SHPK: variants seen among roughly 807,000 people sequenced by gnomAD.
The protein encoded by SHPK is sedoheptulokinase.
SHPK carries 51 observed loss-of-function variants against 46.3 expected under a neutral mutation model. The observed-to-expected ratio is 1.10, with a 90% CI of 0.88 to 1.39. The LOEUF is 1.39. Ranked by LOEUF, SHPK falls within the 40% of genes most tolerant of loss-of-function variation. SHPK has a pLI of 0.00. For synonymous variants in SHPK, 290 were observed against 273.9 expected (o/e 1.06, Z -0.58); for missense variants, 668 against 641.3 (o/e 1.04, Z -0.45).
chr17:3,621,086 G>A (rs1392974855), intron 5 of SHPK, 151 bp downstream of exon 5: 1 of 691,752 alleles, frequency 1.4e-6, no homozygotes, highest in African/African-American at 1.8e-5. Flanking sequence ...TACCTGCAAG[G>A]ACAAGGGTGC....
chr17:3,623,268 T>G, intron 4 of SHPK, 71 bp downstream of exon 4: 1 of 1,563,418 alleles, frequency 6.4e-7, no homozygotes, highest in South Asian at 1.1e-5. Flanking sequence ...AAGCACCCAC[T>G]GAAGCACTGG....
intron 1 of SHPK, among the ~76,000 whole-genome samples, chr17:3,634,464 C>T (rs1014092912): frequency 2.0e-5 from 3 of 149,348 alleles, no homozygotes; most frequent in African/African-American, 5.0e-5. Flanking sequence ...CCCAGCTACT[C>T]GGGAAACTGA....
intron 2 of SHPK, among the ~76,000 whole-genome samples, chr17:3,628,514 G>A (rs1056946950): frequency 2.6e-5 from 4 of 152,044 alleles, no homozygotes; most frequent in Admixed American, 2.6e-4. Context: ...GTAGAGATGG[G>A]GTTTCACCAT....
intron 1 of SHPK, among the ~76,000 whole-genome samples, chr17:3,635,686 G>A (rs1489474489): frequency 2.0e-5 from 3 of 152,204 alleles, no homozygotes; most frequent in Non-Finnish European, 2.9e-5. Flanking sequence ...GCAGGTGTGA[G>A]GAGCGGAGAG....
rs2075399598 is a variant in SHPK, at chr17:3,621,344, C to T, written c.716G>A (p.Arg239Lys). 1 of 1,614,138 alleles carries T rather than the reference C, an allele frequency of 6.2e-7. No individual in the cohort carries two copies. The highest frequency in any genetic ancestry group is 8.5e-7 in the Non-Finnish European group (1 of 1,180,012). ...DIAEPGSVAG[R>K]TSHMWFEIPK... is the part of the protein sequence containing the mutation. ...GATTTCAAACCACATGTGGGAAGTT[C>T]TGCCCGCCACACTGCCAGGCTCGGC... is the stretch of plus-strand genomic sequence containing the variant. Residue 239 changes from arginine (R) to lysine (K), a missense_variant, in exon 5 of 7, where the codon AGA becomes AAA. Coordinates refer to ENST00000225519, the MANE Select transcript of SHPK (RefSeq NM_013276.4).
At chr17:3,617,197 G>A (rs1390078650) in intron 5 of SHPK, among the ~76,000 whole-genome samples, 1 of 152,134 alleles carries the variant, frequency 6.6e-6, no homozygotes, top group Non-Finnish European at 1.5e-5. Flanking sequence ...CAGATCTGGT[G>A]TCGTAAGTGG....
chr17:3,615,917 C>T (rs1480432948), intron 5 of SHPK, among the ~76,000 whole-genome samples: 2 of 144,682 alleles, frequency 1.4e-5, no homozygotes, highest in African/African-American at 2.6e-5. Context: ...TGCAATGGTG[C>T]GATCTTGGCT....
chr17:3,615,899 G>A (rs1315020024), intron 5 of SHPK, among the ~76,000 whole-genome samples: 1 of 148,848 alleles, frequency 6.7e-6, no homozygotes, highest in Non-Finnish European at 1.5e-5. Context: ...CTGTCACCCA[G>A]GCTGGAGTGC....
Position 3,621,103 on chromosome 17 carries a change from T to C in SHPK, c.823+134A>G, listed in dbSNP as rs1276911295. 6 of 781,964 alleles carry C rather than the reference T, an allele frequency of 7.7e-6. No individual in the cohort carries two copies. The East Asian group carries it at 1.2e-4, about 15-fold the overall frequency. The allele number at this position is 781,964 out of a possible 1,614,324, so 48.4% of individuals were successfully genotyped here. On this transcript the variant is annotated intron_variant, in intron 5 of 6. Coordinates refer to ENST00000225519, the MANE Select transcript of SHPK (RefSeq NM_013276.4). ...CCTGCAAGGACAAGGGTGCTTTTCA[T>C]CTTTACAGAATAATGATCTCCAGCA...
rs375707824 is a variant in SHPK at position 3,634,347 on chromosome 17, A to G, written c.168+1705T>C. On this transcript the variant is annotated intron_variant, in intron 1 of 6. Transcript: ENST00000225519. ...CACTTTGGGAAACCGAGGCAGGCAG[A>G]TCAGTTGAGGTCAGGAGTTTGAGAC... Among the ~76,000 whole-genome samples, 48 of 152,076 alleles carry G rather than the reference A, an allele frequency of 3.2e-4. 1 individual carries two copies. Among genetic ancestry groups the G allele is most frequent in the African/African-American group, 1.1e-3 (46 of 41,508 alleles).
At position 3,610,790 on chromosome 17, in the gene SHPK, A is replaced by G; in HGVS notation, c.1207T>C (p.Cys403Arg). 6 of 1,614,130 alleles carry G rather than the reference A, an allele frequency of 3.7e-6. No homozygotes were observed. The highest frequency in any genetic ancestry group is 5.1e-6 in the Non-Finnish European group (6 of 1,180,018). Residue 403 changes from cysteine to arginine, a missense_variant, in exon 7 of 7, where the codon TGC becomes CGC. Transcript: ENST00000225519. The stretch of plus-strand genomic sequence containing the variant: ...TGCAGGTTCTGAACAATGCCTCGGC[A>G]CAGAGCCCGGGTCACGTGCCCCAGG... ...LSLGHVTRAL[C>R]RGIVQNLHSM...
chr17:3,609,335 G>A lies in SHPK; in HGVS notation c.*1225C>T, dbSNP rs2075322097. 3 of 152,142 alleles carry A rather than the reference G, an allele frequency of 2.0e-5. No individual in the cohort carries two copies. In the South Asian group the frequency reaches 6.2e-4, roughly 31 times the overall value. 9.4% of individuals were successfully genotyped at this position (152,142 alleles called of 1,614,324 possible). ...TGTCATGGATACTGAGAGAGAGAGAGAGAGAGAGAGAGAGAATACGACTGC... is the reference window on the plus strand; with the variant it reads ...TGTCATGGATACTGAGAGAGAGAGAAAGAGAGAGAGAGAGAATACGACTGC... On this transcript the variant is annotated 3_prime_UTR_variant, in exon 7 of 7. Coordinates refer to ENST00000225519, the MANE Select transcript of SHPK (RefSeq NM_013276.4).
chr17:3,624,280 G>C, intron 2 of SHPK, 49 bp from the exon 3 acceptor site: 1 of 1,542,058 alleles, frequency 6.5e-7, no homozygotes, highest in Non-Finnish European at 8.9e-7. Context: ...AAATGACTAG[G>C]CATGGCGCGG....
intron 1 of SHPK, 24 bp downstream of exon 1, chr17:3,636,028 C>T (rs1028766297): frequency 6.6e-6 from 10 of 1,516,496 alleles, no homozygotes; most frequent in South Asian, 1.2e-5. Context: ...CTGGAGGCGG[C>T]GCGGCCCCGG....
At chr17:3,612,074 G>A (rs1472506901) in intron 6 of SHPK, among the ~76,000 whole-genome samples, 1 of 151,646 alleles carries the variant, frequency 6.6e-6, no homozygotes, top group Non-Finnish European at 1.5e-5. Flanking sequence ...AAAGTACTGG[G>A]GTTACAGGCA....
intron 2 of SHPK, among the ~76,000 whole-genome samples, chr17:3,629,980 G>C (rs774820964): frequency 6.6e-6 from 1 of 152,050 alleles, no homozygotes; most frequent in African/African-American, 2.4e-5. Context: ...GCCTGTTCGT[G>C]GATAACGTGC....
chr17:3,623,591 A>G, intron 3 of SHPK, 100 bp from the exon 4 acceptor site: 1 of 1,234,758 alleles, frequency 8.1e-7, no homozygotes. Context: ...TGCCATGGCC[A>G]GGTGGCAGCC....
At position 3,623,350 on chromosome 17, in the gene SHPK, C is replaced by T. The variant is rs1374409259; in HGVS notation, c.636G>A (p.Trp212Ter). 1.2e-6 allele frequency: 2 copies of T among 1,614,190 alleles called. No individual in the cohort carries two copies. The highest frequency in any genetic ancestry group is 1.1e-5 in the South Asian group (1 of 91,088). ...GATGTGATACTCACGTCTCTACGTT[C>T]CAGCTTTGGCTCTGCGTGTTGAAAT... ...WGYFNTQSQS[W>*]NVETLRSSGF... is the part of the protein sequence containing the mutation. The change falls in exon 4 of 7, where the codon TGG (tryptophan) becomes TGA (stop). Residue 212 changes from tryptophan to a stop codon, truncating the protein, a stop_gained. Transcript: ENST00000225519. LOFTEE classifies it high-confidence loss of function.
At chr17:3,632,107 C>T (rs2150875799) in intron 1 of SHPK, among the ~76,000 whole-genome samples, 1 of 151,926 alleles carries the variant, frequency 6.6e-6, no homozygotes, top group Non-Finnish European at 1.5e-5. Flanking sequence ...TAGGTGCGCG[C>T]CACCACACCC....
Sources: allele counts gnomAD v4.1 joint callset (sites outside exome capture counted in the v4.1 genomes callset), GRCh38; gene constraint gnomAD v4.1.1; transcripts MANE v1.5; gene names NCBI Gene and HGNC (gene_info 2026-07-23, HGNC 2026-07-21).